The following IKBKB variants were observed in gnomAD, a reference collection of about 807,000 sequenced individuals.
IKBKB encodes inhibitor of nuclear factor kappa-B kinase subunit beta.
IKBKB carries 42 observed loss-of-function variants against 113.6 expected under a neutral mutation model. The ratio of observed to expected loss-of-function variants is 0.37; its 90% CI spans 0.29 to 0.48. The LOEUF (loss-of-function observed/expected upper bound fraction) is 0.48, where lower values mean the gene tolerates loss of function less well. IKBKB is among the 20% of genes least tolerant of loss of function. The pLI is 0.99. For missense variants in IKBKB, 673 were observed against 939.7 expected, an observed-to-expected ratio of 0.72 and a Z score of 3.71; for synonymous variants, 296 against 361.3, an observed-to-expected ratio of 0.82 and a Z score of 2.05.
chr8:42,279,763 A>G (rs574085362), intron 2 of IKBKB, among the ~76,000 whole-genome samples: 5,378 of 152,120 alleles, frequency 0.035, 106 homozygotes, highest in Non-Finnish European at 0.042. Context: ...ACTCAGGGGG[A>G]GGCCTTGGTG....
At chr8:42,288,943 C>T (rs866175329) in intron 3 of IKBKB, among the ~76,000 whole-genome samples, 1 of 152,180 alleles carries the variant, frequency 6.6e-6, no homozygotes, top group Middle Eastern at 3.4e-3. Context: ...ATTAGCCGGG[C>T]ATGGGTGGGC....
chr8:42,328,855 A>G (rs1456332385), intron 20 of IKBKB, among the ~76,000 whole-genome samples: 1 of 152,228 alleles, frequency 6.6e-6, no homozygotes, highest in Non-Finnish European at 1.5e-5. Context: ...TAAGTCAGAA[A>G]GCAGAAAGAG....
At chr8:42,318,914 G>T in intron 13 of IKBKB, 1 of 533,016 alleles carries the variant, frequency 1.9e-6, no homozygotes, top group Non-Finnish European at 3.3e-6. Context: ...AGCTGGGCTG[G>T]CCAAGCTGTG....
chr8:42,318,317 C>T (rs1819083379), intron 12 of IKBKB, among the ~76,000 whole-genome samples: 1 of 151,864 alleles, frequency 6.6e-6, no homozygotes, highest in Non-Finnish European at 1.5e-5. Context: ...CATATGTGTC[C>T]AATGGTTCGT....
At position 42,326,109 on chromosome 8, in the gene IKBKB, T is replaced by G. The variant is rs776810269; in HGVS notation, c.2114+12T>G. ...CCAGCCAAGAAGAGGTAGGTCCTCC[T>G]TAGCAGTGCCAAGTGTGACCATCAA... On this transcript the variant is annotated intron_variant, in intron 20 of 21. Coordinates refer to ENST00000520810, the MANE Select transcript of IKBKB (RefSeq NM_001556.3). The G allele has an allele frequency of 1.9e-6, 3 of 1,614,100 alleles. No homozygotes were observed. In the South Asian group the frequency reaches 3.3e-5, roughly 18 times the overall value.
intron 2 of IKBKB, among the ~76,000 whole-genome samples, chr8:42,275,073 T>C (rs550837386): frequency 2.8e-4 from 42 of 148,894 alleles, no homozygotes; most frequent in African/African-American, 1.0e-3. Context: ...GACAGGGTTT[T>C]ACCATGTTGG....
intron 4 of IKBKB, among the ~76,000 whole-genome samples, chr8:42,290,541 A>G (rs1257531883): frequency 6.6e-6 from 1 of 151,954 alleles, no homozygotes; most frequent in Non-Finnish European, 1.5e-5. Context: ...GACAAGGAAA[A>G]CTCATCACAG....
chr8:42,286,885 C>T (rs1811520558), intron 2 of IKBKB, among the ~76,000 whole-genome samples: 1 of 152,194 alleles, frequency 6.6e-6, no homozygotes, highest in African/African-American at 2.4e-5. Flanking sequence ...CTGTGCCACC[C>T]TGCAGGTGTG....
intron 19 of IKBKB, among the ~76,000 whole-genome samples, chr8:42,323,613 G>A (rs561540211): frequency 6.6e-6 from 1 of 152,258 alleles, no homozygotes; most frequent in African/African-American, 2.4e-5. Flanking sequence ...AGCAGGAGAT[G>A]GTGCATTAGG....
At chr8:42,303,123 GAGAGAGAGAGAGA>G (rs1279316655) in intron 5 of IKBKB, among the ~76,000 whole-genome samples, 1 of 147,184 alleles carries the variant, frequency 6.8e-6, no homozygotes. Flanking sequence ...GAGAGAATGA[GAGAGAGAGAGAGA>G]GGAGAGAGAA....
intron 2 of IKBKB, among the ~76,000 whole-genome samples, chr8:42,278,258 G>T (rs999440424): frequency 2.0e-5 from 3 of 152,232 alleles, no homozygotes. Flanking sequence ...GTGGCCGGAA[G>T]GGAGGATGGG....
chr8:42,282,281 C>T (rs1237727876), intron 2 of IKBKB, among the ~76,000 whole-genome samples: 1 of 152,202 alleles, frequency 6.6e-6, no homozygotes, highest in Non-Finnish European at 1.5e-5. Context: ...CTCTATTGCC[C>T]AGCCTTGACT....
chr8:42,319,234 G>T, intron 13 of IKBKB, 36 bp from the exon 14 acceptor site: 1 of 1,602,236 alleles, frequency 6.2e-7, no homozygotes, highest in Non-Finnish European at 8.5e-7. Context: ...TTGGATCCCA[G>T]AGATGCTCCA....
intron 19 of IKBKB, among the ~76,000 whole-genome samples, chr8:42,323,228 G>A (rs1820108379): frequency 1.3e-5 from 2 of 152,226 alleles, no homozygotes; most frequent in Admixed American, 6.5e-5. Flanking sequence ...ACACTCACAG[G>A]CTCCAGGAGT....
Position 42,316,931 on chromosome 8 carries a change from C to A in IKBKB, c.1125+27C>A. 6.2e-7 allele frequency: 1 copy of A among 1,603,484 alleles called. No homozygotes were observed. Among genetic ancestry groups the A allele is most frequent in the Non-Finnish European group, 8.5e-7 (1 of 1,171,658 alleles). On this transcript the variant is annotated intron_variant, in intron 11 of 21. Transcript: ENST00000520810. The surrounding 1 kb of genome is among the most constrained non-coding windows in gnomAD (Gnocchi z 4.5). ...TGAGCCCTGGCTTCGTACACACCAT[C>A]CTGTTTACCTTGGCTGTGCCTCCTG... is the stretch of plus-strand genomic sequence containing the variant.
intron 11 of IKBKB, chr8:42,317,111 C>T (rs951805357): frequency 6.3e-6 from 4 of 638,118 alleles, no homozygotes; most frequent in South Asian, 1.7e-5. Context: ...TTGTTACTTC[C>T]AAACCCTCCA....
rs529204150 is a variant in IKBKB at position 42,318,311 on chromosome 8, T to C, written c.1241-241T>C. ...GAAAATATATGGCCCTATATACATA[T>C]GTGTCCAATGGTTCGTAAAGTGTTC... On this transcript the variant is annotated intron_variant, in intron 12 of 21. Coordinates refer to ENST00000520810, the MANE Select transcript of IKBKB (RefSeq NM_001556.3). Among the ~76,000 whole-genome samples the C allele has an allele frequency of 2.0e-5, 3 of 152,136 alleles. No homozygotes were observed. In the East Asian group the frequency reaches 5.8e-4, roughly 29 times the overall value.
intron 3 of IKBKB, among the ~76,000 whole-genome samples, chr8:42,289,210 G>A (rs1054458952): frequency 3.3e-5 from 5 of 152,044 alleles, no homozygotes; most frequent in African/African-American, 9.7e-5. Flanking sequence ...GCGAGACTCC[G>A]TCTAAAAAAA....
intron 18 of IKBKB, 93 bp from the exon 19 acceptor site, chr8:42,322,254 A>G (rs1008280721): frequency 1.9e-6 from 3 of 1,575,728 alleles, no homozygotes; most frequent in Non-Finnish European, 2.6e-6. Context: ...TCATGAAGAG[A>G]GTTTCTGCAG....
Sources: allele counts gnomAD v4.1 joint callset (sites outside exome capture counted in the v4.1 genomes callset), GRCh38; gene constraint gnomAD v4.1.1; non-coding constraint Gnocchi (gnomAD v3.1); transcripts MANE v1.5; gene names NCBI Gene and HGNC (gene_info 2026-07-23, HGNC 2026-07-21).